CSMD1: variants seen among roughly 807,000 people sequenced by gnomAD.
CSMD1 encodes the protein CUB and sushi domain-containing protein 1.
Under a neutral mutation model 417.5 loss-of-function variants are expected in CSMD1, and 213 were observed. The observed-to-expected ratio is 0.51, with a 90% CI of 0.46 to 0.57. CSMD1 has a LOEUF of 0.57. CSMD1 is among the 20% of genes least tolerant of loss of function. CSMD1 has a pLI of 0.00. For missense variants in CSMD1, 6,923 were observed against 4,529.7 expected, an observed-to-expected ratio of 1.53 and a Z score of -15.17; for synonymous variants, 2,862 against 1,736.8, an observed-to-expected ratio of 1.65 and a Z score of -16.11.
intron 3 of CSMD1, among the ~76,000 whole-genome samples, chr8:4,313,071 G>A (rs1798720610): frequency 1.3e-5 from 2 of 152,274 alleles, no homozygotes; most frequent in South Asian, 2.1e-4. Context: ...ATAGTCCCAT[G>A]ATAGCCATAG....
intron 1 of CSMD1, among the ~76,000 whole-genome samples, chr8:4,756,459 T>C (rs566094147): frequency 6.6e-6 from 1 of 152,210 alleles, no homozygotes; most frequent in Non-Finnish European, 1.5e-5. Flanking sequence ...TAAAAGTTAA[T>C]TTGGGGAGGA....
chr8:4,073,429 T>C (rs557245082), intron 3 of CSMD1, among the ~76,000 whole-genome samples: 10 of 152,228 alleles, frequency 6.6e-5, no homozygotes, highest in Non-Finnish European at 1.0e-4. Context: ...TTGGGAGCTA[T>C]TTGTTATTCT....
chr8:3,665,008 T>C (rs1798609801), intron 7 of CSMD1, among the ~76,000 whole-genome samples: 1 of 152,056 alleles, frequency 6.6e-6, no homozygotes, highest in Non-Finnish European at 1.5e-5. Flanking sequence ...TATATATTAT[T>C]AATGTAAAAT....
At chr8:4,180,820 C>G (rs1479004724) in intron 3 of CSMD1, among the ~76,000 whole-genome samples, 3 of 152,012 alleles carry the variant, frequency 2.0e-5, no homozygotes, top group Non-Finnish European at 4.4e-5. Flanking sequence ...ACAAATCCAA[C>G]CAACCAAAAT....
chr8:4,419,800 T>G (rs1797144104), intron 3 of CSMD1, among the ~76,000 whole-genome samples, 153 bp downstream of exon 3: 1 of 152,172 alleles, frequency 6.6e-6, no homozygotes. Context: ...ATAACAGTGT[T>G]ACCAAATGCC....
At chr8:3,496,655 G>C (rs750786214) in intron 10 of CSMD1, among the ~76,000 whole-genome samples, 1 of 152,070 alleles carries the variant, frequency 6.6e-6, no homozygotes, top group Admixed American at 6.6e-5. Context: ...GTGAAACCCT[G>C]TCTCCACTAA....
At chr8:3,464,292 T>G (rs76108416) in intron 12 of CSMD1, among the ~76,000 whole-genome samples, 1 of 152,094 alleles carries the variant, frequency 6.6e-6, no homozygotes, top group Non-Finnish European at 1.5e-5. Context: ...ACCACTACAA[T>G]AGCAAACATG....
intron 5 of CSMD1, among the ~76,000 whole-genome samples, chr8:3,781,325 T>A (rs1396822933): frequency 6.6e-6 from 1 of 152,172 alleles, no homozygotes; most frequent in Non-Finnish European, 1.5e-5. Flanking sequence ...TTTGTTCTTT[T>A]CATTCTTTAC....
intron 26 of CSMD1, among the ~76,000 whole-genome samples, chr8:3,260,187 T>C (rs1036305249): frequency 9.9e-5 from 15 of 152,194 alleles, no homozygotes; most frequent in African/African-American, 3.6e-4. Flanking sequence ...AAGTGCTTTA[T>C]TATCTGCTTC....
chr8:4,283,549 A>T (rs1189236158), intron 3 of CSMD1, among the ~76,000 whole-genome samples: 2 of 152,224 alleles, frequency 1.3e-5, no homozygotes, highest in Non-Finnish European at 2.9e-5. Flanking sequence ...AACTCAAGTT[A>T]TATATGTCGT....
intron 2 of CSMD1, among the ~76,000 whole-genome samples, chr8:4,462,696 T>G (rs1010983351): frequency 1.3e-5 from 2 of 152,182 alleles, no homozygotes; most frequent in African/African-American, 4.8e-5. Context: ...ACATTACCCG[T>G]CAATTTGATT....
chr8:4,439,924 A>T (rs1162004223), intron 2 of CSMD1, among the ~76,000 whole-genome samples: 1 of 152,200 alleles, frequency 6.6e-6, no homozygotes, highest in Non-Finnish European at 1.5e-5. Flanking sequence ...AATAAGGAGT[A>T]ATAATATATG....
At chr8:4,399,740 T>C (rs1563133473) in intron 3 of CSMD1, among the ~76,000 whole-genome samples, 1 of 152,184 alleles carries the variant, frequency 6.6e-6, no homozygotes, top group Non-Finnish European at 1.5e-5. Flanking sequence ...AAGACTTTTG[T>C]TTTATACATC....
At chr8:4,551,709 A>G (rs925181906) in intron 2 of CSMD1, among the ~76,000 whole-genome samples, 3 of 151,988 alleles carry the variant, frequency 2.0e-5, no homozygotes. Flanking sequence ...GTCTTGCTCT[A>G]TCTCCCAGGC....
intron 6 of CSMD1, among the ~76,000 whole-genome samples, chr8:3,748,357 T>G (rs1055542082): frequency 4.6e-5 from 7 of 152,200 alleles, no homozygotes; most frequent in Non-Finnish European, 5.9e-5. Context: ...CATACCTACC[T>G]AATAGTTCCC....
intron 5 of CSMD1, among the ~76,000 whole-genome samples, chr8:3,874,215 C>T (rs1397561555): frequency 6.6e-6 from 1 of 152,142 alleles, no homozygotes; most frequent in Non-Finnish European, 1.5e-5. Flanking sequence ...CCTTCCTAAC[C>T]TTCCTGCAAT....
intron 1 of CSMD1, among the ~76,000 whole-genome samples, chr8:4,662,259 A>T (rs946077898): frequency 6.6e-6 from 1 of 152,148 alleles, no homozygotes; most frequent in Non-Finnish European, 1.5e-5. Context: ...AATTTAATAA[A>T]CATTTTTATT....
At chr8:4,020,238 G>A (rs1280286015) in intron 4 of CSMD1, among the ~76,000 whole-genome samples, 1 of 152,180 alleles carries the variant, frequency 6.6e-6, no homozygotes, top group African/African-American at 2.4e-5. Flanking sequence ...ATTGACCAAA[G>A]ACACACAGTG....
intron 20 of CSMD1, among the ~76,000 whole-genome samples, chr8:3,366,529 T>G (rs970517423): frequency 1.7e-4 from 26 of 152,312 alleles, no homozygotes; most frequent in Non-Finnish European, 3.7e-4. Flanking sequence ...CTTGGAGTAT[T>G]TTTTGTCATT....
Sources: allele counts gnomAD v4.1 joint callset (sites outside exome capture counted in the v4.1 genomes callset), GRCh38; gene constraint gnomAD v4.1.1; transcripts MANE v1.5; gene names NCBI Gene and HGNC (gene_info 2026-07-23, HGNC 2026-07-21).